Variants in CSTF3 observed in about 807,000 individuals in gnomAD.
CSTF3 encodes CF-1 77 kDa subunit.
Under a neutral mutation model 105.8 loss-of-function variants are expected in CSTF3, and 29 were observed. The observed-to-expected ratio is 0.27, with a 90% CI of 0.20 to 0.37. The LOEUF is 0.37. CSTF3 is among the 10% of genes least tolerant of loss of function. CSTF3 has a pLI of 1.00. For missense variants in CSTF3, 357 were observed against 879.3 expected (o/e 0.41, Z 7.51); for synonymous variants, 252 against 281.9 (o/e 0.89, Z 1.06).
chr11:33,094,557 A>G, intron 15 of CSTF3, among the ~76,000 whole-genome samples: 1 of 152,140 alleles, frequency 6.6e-6, no homozygotes, highest in Non-Finnish European at 1.5e-5. Flanking sequence ...TCCTCCTTTT[A>G]AAAAAATAAA....
intron 1 of CSTF3, among the ~76,000 whole-genome samples, chr11:33,159,231 G>A (rs767591546): frequency 7.2e-5 from 11 of 152,058 alleles, no homozygotes; most frequent in Non-Finnish European, 1.3e-4. Context: ...ACTGAGGTGG[G>A]TGAATCGCTT....
At chr11:33,092,026 G>A (rs987523702) in intron 16 of CSTF3, among the ~76,000 whole-genome samples, 1 of 152,104 alleles carries the variant, frequency 6.6e-6, no homozygotes, top group Non-Finnish European at 1.5e-5. Context: ...GGGATATATA[G>A]TATACAAGAA....
intron 3 of CSTF3, among the ~76,000 whole-genome samples, chr11:33,138,823 TTA>T (rs1855680666): frequency 6.6e-6 from 1 of 151,878 alleles, no homozygotes; most frequent in African/African-American, 2.4e-5. Flanking sequence ...CTCCTATGTA[TTA>T]TATATAACAC....
chr11:33,108,112 T>C, intron 4 of CSTF3, 112 bp from the exon 5 acceptor site: 1 of 665,202 alleles, frequency 1.5e-6, no homozygotes, highest in Non-Finnish European at 2.3e-6. Context: ...ATTTATCTCT[T>C]ATAAATAAAA....
At chr11:33,085,423 TAAAG>T (rs1449795162) in intron 20 of CSTF3, 134 bp from the exon 21 acceptor site, 7 of 765,456 alleles carry the variant, frequency 9.1e-6, no homozygotes, top group South Asian at 4.8e-5. Context: ...ACTAAATAAT[TAAAG>T]AAAAAGACAA....
rs548564088 is a variant in CSTF3, at chr11:33,152,433, T to G, written c.27+8866A>C. 2.6e-5 allele frequency among the ~76,000 whole-genome samples: 4 copies of G among 152,222 alleles called. No individual in the cohort carries two copies. The East Asian group carries it at 7.7e-4, about 29-fold the overall frequency. Reference sequence around the variant, plus strand: ...CGTGCACCACCGCACCTGGCTGGGTTTTTTCATTAATGAATTTTTACATGT... The same window carrying G: ...CGTGCACCACCGCACCTGGCTGGGTGTTTTCATTAATGAATTTTTACATGT... On this transcript the variant is annotated intron_variant, in intron 1 of 20. Coordinates refer to ENST00000323959, the MANE Select transcript of CSTF3 (RefSeq NM_001326.3).
intron 16 of CSTF3, among the ~76,000 whole-genome samples, chr11:33,091,731 CAG>C (rs1237622280): frequency 2.0e-5 from 3 of 152,160 alleles, no homozygotes; most frequent in East Asian, 1.9e-4. Context: ...GTTGTTGAGA[CAG>C]AGTCTCACTC....
intron 3 of CSTF3, among the ~76,000 whole-genome samples, chr11:33,118,857 A>C (rs775170804): frequency 6.6e-6 from 1 of 151,790 alleles, no homozygotes; most frequent in Non-Finnish European, 1.5e-5. Flanking sequence ...TTTATTGCAC[A>C]TCAACTTATA....
intron 1 of CSTF3, among the ~76,000 whole-genome samples, chr11:33,145,388 T>A (rs1855768646): frequency 6.6e-6 from 1 of 152,050 alleles, no homozygotes; most frequent in Non-Finnish European, 1.5e-5. Context: ...ATCGCACCAC[T>A]GCACTCCAAA....
At chr11:33,140,862 T>A (rs1170682286) in intron 3 of CSTF3, 2 of 152,076 alleles carry the variant, frequency 1.3e-5, no homozygotes, top group African/African-American at 4.8e-5. Flanking sequence ...CCCTTCCATA[T>A]CATTAATTTA....
intron 17 of CSTF3, among the ~76,000 whole-genome samples, chr11:33,088,894 A>G (rs1454011382): frequency 6.6e-6 from 1 of 152,228 alleles, no homozygotes; most frequent in Non-Finnish European, 1.5e-5. Flanking sequence ...TTGGGATTAT[A>G]GGCGTGAGCC....
At chr11:33,121,147 T>G (rs2089333511) in intron 3 of CSTF3, among the ~76,000 whole-genome samples, 1 of 152,038 alleles carries the variant, frequency 6.6e-6, no homozygotes, top group Non-Finnish European at 1.5e-5. Context: ...GATGGGAAAT[T>G]AGGAACTTTG....
chr11:33,102,551 C>A (rs1433410762), intron 9 of CSTF3, among the ~76,000 whole-genome samples: 1 of 152,162 alleles, frequency 6.6e-6, no homozygotes, highest in African/African-American at 2.4e-5. Flanking sequence ...AAACAAAACA[C>A]CCATGGGCCC....
chr11:33,118,915 A>G lies in CSTF3; in HGVS notation c.226-10497T>C, dbSNP rs577688698. ...GCTTTTATGAACTATCATCTTAATA[A>G]AAGTCCTTCCAGGCAAACTTAAAAT... On this transcript the variant is annotated intron_variant, in intron 3 of 20. Transcript: ENST00000323959. Among the ~76,000 whole-genome samples, 13 of 151,998 alleles carry G rather than the reference A, an allele frequency of 8.6e-5. No homozygotes were observed. In the East Asian group the frequency reaches 2.5e-3, roughly 29 times the overall value.
chr11:33,107,515 A>T (rs915590754), intron 5 of CSTF3, among the ~76,000 whole-genome samples: 1 of 152,218 alleles, frequency 6.6e-6, no homozygotes, highest in Non-Finnish European at 1.5e-5. Flanking sequence ...CAATTGTCAG[A>T]GATCCCTTAT....
chr11:33,086,100 A>G (rs1855102598), intron 18 of CSTF3, 111 bp from the exon 19 acceptor site: 5 of 689,898 alleles, frequency 7.2e-6, no homozygotes, highest in Non-Finnish European at 1.1e-5. Flanking sequence ...TTTGTTCTGG[A>G]CACTGAAAAT....
chr11:33,126,323 G>A (rs1354268661), intron 3 of CSTF3, among the ~76,000 whole-genome samples: 1 of 152,000 alleles, frequency 6.6e-6, no homozygotes, highest in Non-Finnish European at 1.5e-5. Context: ...TGCAACTGTG[G>A]TCTTGGCTAC....
At chr11:33,119,552 CA>C (rs1190018744) in intron 3 of CSTF3, among the ~76,000 whole-genome samples, 1 of 151,758 alleles carries the variant, frequency 6.6e-6, no homozygotes, top group Non-Finnish European at 1.5e-5. Flanking sequence ...ATTTTTTAAG[CA>C]ACTTGCCCAC....
chr11:33,122,968 A>G (rs1855508002), intron 3 of CSTF3, among the ~76,000 whole-genome samples: 1 of 151,664 alleles, frequency 6.6e-6, no homozygotes. Context: ...TATGTAAAAC[A>G]GGTCAGTAAG....
Sources: allele counts gnomAD v4.1 joint callset (sites outside exome capture counted in the v4.1 genomes callset), GRCh38; gene constraint gnomAD v4.1.1; transcripts MANE v1.5; gene names NCBI Gene and HGNC (gene_info 2026-07-23, HGNC 2026-07-21).